The following RPRD1A variants were observed in gnomAD, a reference collection of about 807,000 sequenced individuals.
RPRD1A encodes regulation of nuclear pre-mRNA domain containing 1A, also known as regulation of nuclear pre-mRNA domain-containing protein 1A.
RPRD1A carries 9 observed loss-of-function variants against 37.8 expected under a neutral mutation model. The observed-to-expected ratio is 0.24, with a 90% CI of 0.14 to 0.42. The LOEUF (loss-of-function observed/expected upper bound fraction) is 0.42. Among genes scored for constraint, RPRD1A ranks in the 10% least tolerant of loss-of-function variants. The probability of loss-of-function intolerance (pLI) is 1.00; values close to 1 mark genes in which losing one functional copy is unlikely to be tolerated. For missense variants in RPRD1A, 255 were observed against 371.0 expected (o/e 0.69, Z 2.57); for synonymous variants, 138 against 139.7 (o/e 0.99, Z 0.08).
chr18:36,029,512 C>T (rs559441815), intron 4 of RPRD1A, among the ~76,000 whole-genome samples: 24 of 151,856 alleles, frequency 1.6e-4, no homozygotes, highest in African/African-American at 4.6e-4. Context: ...AAAATACATT[C>T]GCCTTGTTTT....
intron 6 of RPRD1A, among the ~76,000 whole-genome samples, chr18:36,019,389 G>A (rs1910836011): frequency 6.6e-6 from 1 of 152,048 alleles, no homozygotes; most frequent in Non-Finnish European, 1.5e-5. Context: ...TTACAGGCAT[G>A]AGCCACCGCG....
At chr18:36,018,750 G>A (rs1437851058) in intron 6 of RPRD1A, among the ~76,000 whole-genome samples, 1 of 152,132 alleles carries the variant, frequency 6.6e-6, no homozygotes, top group Non-Finnish European at 1.5e-5. Flanking sequence ...AGTATATAAA[G>A]TATTAATAGA....
chr18:36,054,147 T>A (rs759908163), intron 1 of RPRD1A, among the ~76,000 whole-genome samples: 3 of 152,156 alleles, frequency 2.0e-5, no homozygotes, highest in Non-Finnish European at 4.4e-5. Flanking sequence ...AAACACCATA[T>A]AAAGCATCAA....
At chr18:36,056,713 C>A (rs1913798180) in intron 1 of RPRD1A, among the ~76,000 whole-genome samples, 1 of 151,774 alleles carries the variant, frequency 6.6e-6, no homozygotes, top group Non-Finnish European at 1.5e-5. Context: ...AAAAAAATTA[C>A]CAGTTATTAC....
At chr18:36,045,885 A>C (rs1054413153) in intron 1 of RPRD1A, among the ~76,000 whole-genome samples, 4 of 152,186 alleles carry the variant, frequency 2.6e-5, no homozygotes, top group Non-Finnish European at 5.9e-5. Context: ...CATGGGAAAA[A>C]AGGGGGGGCA....
At position 35,991,544 on chromosome 18, in the gene RPRD1A, T is replaced by G. The variant is rs1908715950; in HGVS notation, c.*1607A>C. 1 of 152,206 alleles carries G rather than the reference T, an allele frequency of 6.6e-6. No homozygotes were observed. Among genetic ancestry groups the G allele is most frequent in the African/African-American group, 2.4e-5 (1 of 41,426 alleles). The allele number at this position is 152,206 out of a possible 1,614,324, so 9.4% of individuals were successfully genotyped here. A position where few individuals can be genotyped will look rare whatever the true frequency, so the allele number is the denominator to read the frequency against. On this transcript the variant is annotated 3_prime_UTR_variant, in exon 7 of 7. Coordinates refer to ENST00000399022, the MANE Select transcript of RPRD1A (RefSeq NM_018170.5). ...TGGTTAGGTGGATTCAGTTCCCAGG[T>G]GAGCTATCAGCGGTAGTGTTAGGGA...
chr18:36,061,565 A>G (rs922387015), intron 1 of RPRD1A, among the ~76,000 whole-genome samples: 2 of 152,212 alleles, frequency 1.3e-5, no homozygotes, highest in Non-Finnish European at 2.9e-5. Context: ...AAGTTCAGGT[A>G]TGTTCATGGT....
intron 6 of RPRD1A, among the ~76,000 whole-genome samples, chr18:36,014,343 AAGTC>A (rs1910363539): frequency 6.6e-6 from 1 of 152,228 alleles, no homozygotes; most frequent in South Asian, 2.1e-4. Context: ...TTCCAGTAAA[AAGTC>A]AGTTAGATGG....
intron 1 of RPRD1A, among the ~76,000 whole-genome samples, chr18:36,050,174 C>A (rs372913238): frequency 6.6e-5 from 10 of 151,626 alleles, no homozygotes; most frequent in African/African-American, 2.4e-4. Flanking sequence ...TGCTACACAA[C>A]TGAATGTACT....
intron 1 of RPRD1A, among the ~76,000 whole-genome samples, chr18:36,039,325 G>C (rs531662129): frequency 6.6e-6 from 1 of 152,288 alleles, no homozygotes; most frequent in Non-Finnish European, 1.5e-5. Flanking sequence ...CAATGTGAGA[G>C]GAGACTAATA....
At chr18:36,017,842 T>G (rs565187403) in intron 6 of RPRD1A, among the ~76,000 whole-genome samples, 2 of 152,254 alleles carry the variant, frequency 1.3e-5, no homozygotes, top group African/African-American at 4.8e-5. Context: ...TCTGGTTTCA[T>G]CTGTAGCTCC....
At chr18:36,058,438 G>C (rs879677708) in intron 1 of RPRD1A, among the ~76,000 whole-genome samples, 2 of 152,164 alleles carry the variant, frequency 1.3e-5, no homozygotes, top group Non-Finnish European at 2.9e-5. Context: ...CAGATTGTTT[G>C]TTTAATGTAG....
At chr18:36,045,134 G>A (rs924667360) in intron 1 of RPRD1A, among the ~76,000 whole-genome samples, 3 of 152,042 alleles carry the variant, frequency 2.0e-5, no homozygotes, top group Non-Finnish European at 4.4e-5. Flanking sequence ...CTGCTACTCG[G>A]GAGGCTGAGG....
intron 6 of RPRD1A, among the ~76,000 whole-genome samples, chr18:36,003,874 C>A (rs1003295405): frequency 2.0e-5 from 3 of 152,040 alleles, no homozygotes; most frequent in African/African-American, 7.2e-5. Context: ...TCACAGCCCA[C>A]TGTAGTCTCG....
At chr18:36,032,156 T>C (rs1911838232) in intron 2 of RPRD1A, among the ~76,000 whole-genome samples, 1 of 152,198 alleles carries the variant, frequency 6.6e-6, no homozygotes, top group African/African-American at 2.4e-5. Flanking sequence ...CTTCCCTGCT[T>C]TGTATTTCTT....
chr18:36,018,335 G>A (rs922536981), intron 6 of RPRD1A, among the ~76,000 whole-genome samples: 2 of 150,196 alleles, frequency 1.3e-5, no homozygotes, highest in African/African-American at 4.9e-5. Flanking sequence ...GTGCAGTGGC[G>A]CAATCTCGGC....
intron 6 of RPRD1A, among the ~76,000 whole-genome samples, chr18:36,009,930 T>C (rs1910068642): frequency 6.6e-6 from 1 of 152,190 alleles, no homozygotes; most frequent in African/African-American, 2.4e-5. Context: ...TTCATCTGTC[T>C]CTCCCCCATT....
At chr18:36,031,252 C>T (rs891014866) in intron 2 of RPRD1A, among the ~76,000 whole-genome samples, 155 bp from the exon 3 acceptor site, 10 of 152,162 alleles carry the variant, frequency 6.6e-5, no homozygotes, top group Non-Finnish European at 7.4e-5. Flanking sequence ...TGGCCAGCAG[C>T]TCAAAAGTGA....
chr18:36,055,577 A>G (rs1279928739), intron 1 of RPRD1A, among the ~76,000 whole-genome samples: 6 of 152,218 alleles, frequency 3.9e-5, no homozygotes, highest in Non-Finnish European at 8.8e-5. Flanking sequence ...AAGACTGCAC[A>G]GTTCTCAGCC....
Sources: gnomAD v4.1 joint callset for allele counts (sites outside exome capture counted in the v4.1 genomes callset) on GRCh38, gnomAD v4.1.1 for gene constraint, MANE v1.5 for transcripts, NCBI Gene and HGNC (gene_info 2026-07-23, HGNC 2026-07-21) for gene names.